Variants in GFRA2 observed in about 807,000 individuals in gnomAD.
GFRA2 encodes the protein GDNF family receptor alpha-2.
Under a neutral mutation model 48.3 loss-of-function variants are expected in GFRA2, and 17 were observed. The ratio of observed to expected loss-of-function variants is 0.35; its 90% CI spans 0.24 to 0.53. The LOEUF is 0.53. GFRA2 is among the 20% of genes least tolerant of loss of function. The pLI is 0.93. For synonymous variants in GFRA2, 305 were observed against 257.2 expected, an observed-to-expected ratio of 1.19 and a Z score of -1.78; for missense variants, 660 against 637.3, an observed-to-expected ratio of 1.04 and a Z score of -0.38.
intron 3 of GFRA2, among the ~76,000 whole-genome samples, chr8:21,772,508 C>A (rs1198761267): frequency 6.6e-6 from 1 of 152,152 alleles, no homozygotes; most frequent in Non-Finnish European, 1.5e-5. Context: ...CCGGGGCCTC[C>A]CTACTCAACT....
At chr8:21,784,886 C>T (rs1311899785) in intron 1 of GFRA2, among the ~76,000 whole-genome samples, 1 of 152,206 alleles carries the variant, frequency 6.6e-6, no homozygotes, top group Non-Finnish European at 1.5e-5. Flanking sequence ...TCCTACCTCC[C>T]TGAGCAGGAC....
chr8:21,780,492 C>T (rs1157713945), intron 2 of GFRA2, among the ~76,000 whole-genome samples: 6 of 152,048 alleles, frequency 3.9e-5, no homozygotes, highest in South Asian at 2.1e-4. Context: ...GGTCTGTTAC[C>T]GCCCTCCTCT....
chr8:21,770,126 C>T (rs1414848766), intron 3 of GFRA2, among the ~76,000 whole-genome samples: 2 of 152,192 alleles, frequency 1.3e-5, no homozygotes, highest in Non-Finnish European at 2.9e-5. Flanking sequence ...CAGGGACCCA[C>T]AGCTCTCTGG....
chr8:21,793,844 G>GA (rs1184193015), upstream of GFRA2, among the ~76,000 whole-genome samples: 2 of 146,912 alleles, frequency 1.4e-5, no homozygotes, highest in South Asian at 4.3e-4. Context: ...CAAATAGTGT[G>GA]AAAAAAATCA....
At chr8:21,783,068 G>A (rs1314851017) in intron 1 of GFRA2, 169 bp from the exon 2 acceptor site, 1 of 721,672 alleles carries the variant, frequency 1.4e-6, no homozygotes, top group Non-Finnish European at 2.5e-6. Flanking sequence ...GAGAACTCAG[G>A]CATCATCCTC....
chr8:21,713,039 G>A (rs1200296416), intron 4 of GFRA2, among the ~76,000 whole-genome samples: 1 of 131,464 alleles, frequency 7.6e-6, no homozygotes, highest in Non-Finnish European at 1.6e-5. Flanking sequence ...AGGGAGACGA[G>A]GGAGAGGGAG....
intron 7 of GFRA2, among the ~76,000 whole-genome samples, chr8:21,698,523 C>A (rs947054981): frequency 6.6e-6 from 1 of 152,150 alleles, no homozygotes; most frequent in Non-Finnish European, 1.5e-5. Flanking sequence ...TAGTGTTGTC[C>A]TGCTGGCTGA....
chr8:21,753,351 T>C (rs1805391124), intron 3 of GFRA2, among the ~76,000 whole-genome samples: 2 of 152,348 alleles, frequency 1.3e-5, no homozygotes, highest in South Asian at 4.1e-4. Context: ...TTCACGCCTG[T>C]AATCCCAGCA....
intron 2 of GFRA2, among the ~76,000 whole-genome samples, chr8:21,781,400 C>T (rs545112772): frequency 6.6e-6 from 1 of 152,276 alleles, no homozygotes; most frequent in East Asian, 1.9e-4. Context: ...TAAACAGGTT[C>T]CATTCTCACA....
At chr8:21,749,281 T>G (rs1159875610) in intron 4 of GFRA2, among the ~76,000 whole-genome samples, 2 of 148,494 alleles carry the variant, frequency 1.3e-5, no homozygotes, top group Non-Finnish European at 3.0e-5. Context: ...GAGGCTACAC[T>G]TGGTAAGCAC....
At chr8:21,787,288 CAGA>C (rs1807330920) in intron 1 of GFRA2, among the ~76,000 whole-genome samples, 1 of 144,798 alleles carries the variant, frequency 6.9e-6, no homozygotes. Context: ...GGGGGGTTTG[CAGA>C]AGGAGCAGTG....
At chr8:21,791,964 G>T (rs1200901808), upstream of GFRA2, among the ~76,000 whole-genome samples, 1 of 152,214 alleles carries the variant, frequency 6.6e-6, no homozygotes, top group Non-Finnish European at 1.5e-5. Flanking sequence ...ATTCCGTAGT[G>T]CCTGAGTCCT....
intron 3 of GFRA2, among the ~76,000 whole-genome samples, chr8:21,770,502 T>C (rs981153743): frequency 2.0e-5 from 3 of 152,200 alleles, no homozygotes; most frequent in Admixed American, 6.5e-5. Flanking sequence ...CATGTGTGCC[T>C]TCCCTCTGGG....
intron 1 of GFRA2, among the ~76,000 whole-genome samples, chr8:21,785,624 C>T (rs921632870): frequency 1.3e-5 from 2 of 152,196 alleles, no homozygotes; most frequent in South Asian, 2.1e-4. Context: ...CATCCAACAT[C>T]CCACCAGAGC....
At chr8:21,699,594 C>T (rs921985540) in intron 7 of GFRA2, among the ~76,000 whole-genome samples, 1 of 152,192 alleles carries the variant, frequency 6.6e-6, no homozygotes, top group African/African-American at 2.4e-5. Flanking sequence ...GCCCGTCTCC[C>T]TGCAGCCCTC....
At chr8:21,796,875 C>T (rs1364972653) in intron 2 of GFRA2, among the ~76,000 whole-genome samples, 2 of 152,236 alleles carry the variant, frequency 1.3e-5, no homozygotes, top group African/African-American at 4.8e-5. Context: ...CAATAATGAA[C>T]TACCAGCAAG....
At chr8:21,795,877 A>G (rs1461838424) in intron 2 of GFRA2, among the ~76,000 whole-genome samples, 3 of 152,186 alleles carry the variant, frequency 2.0e-5, no homozygotes, top group Non-Finnish European at 2.9e-5. Context: ...TTGTCCCACA[A>G]TAGGGGCTCA....
At chr8:21,783,084 G>A in intron 1 of GFRA2, 185 bp from the exon 2 acceptor site, 1 of 709,686 alleles carries the variant, frequency 1.4e-6, no homozygotes, top group Non-Finnish European at 2.5e-6. Flanking sequence ...TCCTCCCCTG[G>A]ATGTAGGAGC....
At position 21,750,724 on chromosome 8, in the gene GFRA2, G is replaced by A; in HGVS notation, c.658C>T (p.Leu220Phe). The A allele has an allele frequency of 1.2e-6, 2 of 1,613,962 alleles. No individual in the cohort carries two copies. Residue 220 changes from leucine to phenylalanine, a missense_variant, in exon 4 of 9, where the codon CTC becomes TTC. Physicochemically the swap from Leu to Phe is conservative, Grantham distance 22. Coordinates refer to ENST00000524240, the MANE Select transcript of GFRA2 (RefSeq NM_001495.5). This position sits in a 1 kb window ranked among gnomAD's most constrained non-coding sequence, Gnocchi z 5.7. ...RVPSEYTYRMLFCSCQDQACA... is the reference protein window; with the variant it reads ...RVPSEYTYRMFFCSCQDQACA... The stretch of plus-strand genomic sequence containing the variant: ...GCCTGGTCTTGGCAGGAGCAGAAGA[G>A]CATGCGGTAGGTGTACTCGCTGGGC...
Sources: gnomAD v4.1 joint callset for allele counts (sites outside exome capture counted in the v4.1 genomes callset) on GRCh38, gnomAD v4.1.1 for gene constraint, Gnocchi (gnomAD v3.1) non-coding constraint, MANE v1.5 for transcripts, NCBI Gene and HGNC (gene_info 2026-07-23, HGNC 2026-07-21) for gene names.